RELL1: variants seen among roughly 807,000 people sequenced by gnomAD.
RELL1 encodes RELT like 1, also known as RELT-like protein 1.
RELL1 carries 10 observed loss-of-function variants against 23.0 expected under a neutral mutation model. The ratio of observed to expected loss-of-function variants is 0.43; its 90% CI spans 0.27 to 0.74. The LOEUF (loss-of-function observed/expected upper bound fraction) is 0.74. Among genes scored for constraint, RELL1 ranks in the 30% least tolerant of loss-of-function variants. The probability of loss-of-function intolerance (pLI) is 0.19; values close to 1 mark genes in which losing one functional copy is unlikely to be tolerated. For missense variants in RELL1, 315 were observed against 364.4 expected (o/e 0.86, Z 1.10); for synonymous variants, 146 against 146.8 (o/e 0.99, Z 0.04).
intron 1 of RELL1, among the ~76,000 whole-genome samples, chr4:37,670,273 T>C (rs953313743): frequency 2.0e-5 from 3 of 151,898 alleles, no homozygotes; most frequent in African/African-American, 7.2e-5. Context: ...GGTTGAACCA[T>C]ATGAAATTGT....
At position 37,611,025 on chromosome 4, in the gene RELL1, A is replaced by C. The variant is rs980480104; in HGVS notation, c.*2321T>G. Reference sequence around the variant, plus strand: ...CAAAAACCGCTCAAGTATTTATTAGAAAATATTTAAAACATACTCTTGGTA... The same window carrying C: ...CAAAAACCGCTCAAGTATTTATTAGCAAATATTTAAAACATACTCTTGGTA... On this transcript the variant is annotated 3_prime_UTR_variant, in exon 7 of 7. Coordinates refer to ENST00000454158, the MANE Select transcript of RELL1 (RefSeq NM_001085400.2). Among the ~76,000 whole-genome samples the C allele has an allele frequency of 6.6e-6, 1 of 152,224 alleles. No homozygotes were observed. The highest frequency in any genetic ancestry group is 1.5e-5 in the Non-Finnish European group (1 of 68,040).
intron 1 of RELL1, among the ~76,000 whole-genome samples, chr4:37,669,060 G>T (rs1478693439): frequency 8.0e-6 from 1 of 124,408 alleles, no homozygotes; most frequent in Non-Finnish European, 1.6e-5. Context: ...GAGGTGGGGG[G>T]GTCAGCCCCC....
At chr4:37,678,311 A>C (rs888934604) in intron 1 of RELL1, among the ~76,000 whole-genome samples, 1 of 152,150 alleles carries the variant, frequency 6.6e-6, no homozygotes, top group Non-Finnish European at 1.5e-5. Flanking sequence ...ACCAGGCCCC[A>C]CCTCTAATAC....
intron 1 of RELL1, among the ~76,000 whole-genome samples, chr4:37,649,890 C>G (rs1202023380): frequency 1.3e-5 from 2 of 152,208 alleles, no homozygotes; most frequent in Non-Finnish European, 2.9e-5. Context: ...TACATAAACA[C>G]TACATTACAT....
chr4:37,604,872 C>G (rs1003118072), intron 6 of RELL1, among the ~76,000 whole-genome samples: 2 of 107,472 alleles, frequency 1.9e-5, no homozygotes, highest in African/African-American at 8.0e-5. Flanking sequence ...CACAGACACA[C>G]ACACACATAC....
chr4:37,588,845 G>A (rs746676926), downstream of RELL1: 14 of 1,608,386 alleles, frequency 8.7e-6, no homozygotes, highest in Non-Finnish European at 6.8e-6. Flanking sequence ...TTCTTTTCCA[G>A]GTGGTAACAG....
chr4:37,641,354 T>G (rs2109272331), intron 3 of RELL1, among the ~76,000 whole-genome samples: 1 of 152,310 alleles, frequency 6.6e-6, no homozygotes, highest in Middle Eastern at 3.4e-3. Context: ...TTGGGAACAT[T>G]TTTGGTTTCC....
chr4:37,614,612 A>T (rs1719511797), intron 6 of RELL1, among the ~76,000 whole-genome samples: 1 of 151,968 alleles, frequency 6.6e-6, no homozygotes, highest in African/African-American at 2.4e-5. Context: ...TCATATAAAC[A>T]TTCTAGCAGA....
chr4:37,588,771 A>G (rs952047807), downstream of RELL1: 40 of 1,018,974 alleles, frequency 3.9e-5, no homozygotes, highest in East Asian at 1.7e-4. Context: ...GTCTCTAGGG[A>G]AAAAAAAAGG....
In RELL1 at chr4:37,612,624, G is replaced by A. The variant is rs74886514; in HGVS notation, c.*722C>T. Among the ~76,000 whole-genome samples the A allele has an allele frequency of 0.038, 5,478 of 144,182 alleles. 266 individuals are homozygous for A. The highest frequency in any genetic ancestry group is 0.27 in the East Asian group (1,347 of 4,952). 94.6% of individuals were successfully genotyped at this position (144,182 alleles called of 152,430 possible). ...TGCACTCCAGCCTAGGGGACACAGC[G>A]AGACTCTGCCTCAAAAAAAAAAAAA... On this transcript the variant is annotated 3_prime_UTR_variant, in exon 7 of 7. Transcript: ENST00000454158.
At chr4:37,659,719 A>G (rs1314123487) in intron 1 of RELL1, among the ~76,000 whole-genome samples, 1 of 152,110 alleles carries the variant, frequency 6.6e-6, no homozygotes, top group African/African-American at 2.4e-5. Flanking sequence ...ACTATTCCCC[A>G]ACCTTCTGCA....
chr4:37,627,217 A>T (rs1484767933), intron 6 of RELL1, among the ~76,000 whole-genome samples: 4 of 152,230 alleles, frequency 2.6e-5, no homozygotes, highest in Non-Finnish European at 5.9e-5. Flanking sequence ...AAACTTACTA[A>T]ATCAATGTTT....
chr4:37,645,020 A>T (rs1195976448), intron 3 of RELL1, among the ~76,000 whole-genome samples: 1 of 152,122 alleles, frequency 6.6e-6, no homozygotes, highest in East Asian at 1.9e-4. Context: ...ATGGGAAGAA[A>T]ATGTCGAGAT....
At chr4:37,681,034 C>G (rs1011944691) in intron 1 of RELL1, among the ~76,000 whole-genome samples, 1 of 151,956 alleles carries the variant, frequency 6.6e-6, no homozygotes, top group South Asian at 2.1e-4. Context: ...GATTCTCGCT[C>G]CTTCCTCCCA....
chr4:37,683,627 G>C (rs886138649), intron 1 of RELL1, among the ~76,000 whole-genome samples: 9 of 151,952 alleles, frequency 5.9e-5, no homozygotes, highest in Non-Finnish European at 8.8e-5. Flanking sequence ...GCATGGTGGC[G>C]GGCGCCTATA....
intron 1 of RELL1, among the ~76,000 whole-genome samples, chr4:37,650,887 C>G (rs3860059): frequency 0.025 from 3,840 of 151,140 alleles, 203 homozygotes; most frequent in East Asian, 0.15. Flanking sequence ...GGTGAAACCC[C>G]GTCTCCACTA....
At chr4:37,679,581 C>A (rs1374589152) in intron 1 of RELL1, among the ~76,000 whole-genome samples, 1 of 152,152 alleles carries the variant, frequency 6.6e-6, no homozygotes, top group Non-Finnish European at 1.5e-5. Flanking sequence ...TAGCGCACAA[C>A]CTGTAACACT....
At chr4:37,598,095 A>ATATATATATATATAT (rs1174324006) in intron 6 of RELL1, among the ~76,000 whole-genome samples, 3 of 143,440 alleles carry the variant, frequency 2.1e-5, no homozygotes, top group Non-Finnish European at 4.5e-5. Flanking sequence ...ATATATATAT[A>ATATATATATATATAT]ACTCCTCCTA....
chr4:37,606,216 G>A (rs1472351815), downstream of RELL1, among the ~76,000 whole-genome samples: 1 of 147,766 alleles, frequency 6.8e-6, no homozygotes, highest in East Asian at 1.9e-4. The surrounding 1 kb of genome is among the most constrained non-coding windows in gnomAD (Gnocchi z 4.1). Flanking sequence ...AAGAAGGAAA[G>A]AAAGAAAAAG....
Sources: gnomAD v4.1 joint callset for allele counts (sites outside exome capture counted in the v4.1 genomes callset) on GRCh38, gnomAD v4.1.1 for gene constraint, Gnocchi (gnomAD v3.1) non-coding constraint, MANE v1.5 for transcripts, NCBI Gene and HGNC (gene_info 2026-07-23, HGNC 2026-07-21) for gene names.